The following KHDRBS2 variants were observed in gnomAD, a reference collection of about 807,000 sequenced individuals.
KHDRBS2 encodes KH RNA binding domain containing, signal transduction associated 2.
Under a neutral mutation model 44.3 loss-of-function variants are expected in KHDRBS2, and 26 were observed. The observed-to-expected ratio is 0.59, with a 90% confidence interval of 0.43 to 0.81. The LOEUF is 0.81. KHDRBS2 is among the 40% of genes least tolerant of loss of function. The probability of loss-of-function intolerance (pLI) is 0.00; values close to 1 mark genes in which losing one functional copy is unlikely to be tolerated. For synonymous variants in KHDRBS2, 194 were observed against 151.1 expected, an observed-to-expected ratio of 1.28 and a Z score of -2.08; for missense variants, 476 against 433.1, an observed-to-expected ratio of 1.10 and a Z score of -0.88.
At chr6:61,959,967 T>C (rs1277771810) in intron 4 of KHDRBS2, among the ~76,000 whole-genome samples, 1 of 152,156 alleles carries the variant, frequency 6.6e-6, no homozygotes, top group Non-Finnish European at 1.5e-5. Flanking sequence ...GAAAAATAAA[T>C]AATTAAGAAT....
At chr6:62,117,543 T>C (rs965328825) in intron 2 of KHDRBS2, among the ~76,000 whole-genome samples, 1 of 152,130 alleles carries the variant, frequency 6.6e-6, no homozygotes, top group African/African-American at 2.4e-5. Flanking sequence ...TATTTTTTCC[T>C]ATTCTGTGTG....
At chr6:61,760,912 T>C (rs1779177424) in intron 6 of KHDRBS2, among the ~76,000 whole-genome samples, 1 of 152,226 alleles carries the variant, frequency 6.6e-6, no homozygotes, top group Non-Finnish European at 1.5e-5. Context: ...AATTTTCTTC[T>C]ATAGTTGAGA....
chr6:61,678,475 A>T (rs577056025), downstream of KHDRBS2, among the ~76,000 whole-genome samples: 1 of 151,962 alleles, frequency 6.6e-6, no homozygotes, highest in Non-Finnish European at 1.5e-5. Flanking sequence ...TTGACAAGGG[A>T]TAGGTAAGGA....
chr6:61,646,130 G>C, the KHDRBS2 span, among the ~76,000 whole-genome samples: 1 of 152,164 alleles, frequency 6.6e-6, no homozygotes, highest in African/African-American at 2.4e-5. Context: ...ACTTAGAACT[G>C]CGTTCAATCA....
chr6:61,689,358 A>C (rs1582171388), intron 8 of KHDRBS2, among the ~76,000 whole-genome samples: 1 of 151,984 alleles, frequency 6.6e-6, no homozygotes, highest in African/African-American at 2.4e-5. Flanking sequence ...ACTTGATAAG[A>C]CCGTGGGAAC....
intron 6 of KHDRBS2, among the ~76,000 whole-genome samples, chr6:61,866,031 C>T (rs562675380): frequency 6.6e-6 from 1 of 152,304 alleles, no homozygotes; most frequent in East Asian, 1.9e-4. Context: ...ACATTACAAG[C>T]TATTGGTGGA....
intron 3 of KHDRBS2, among the ~76,000 whole-genome samples, chr6:61,996,790 C>G (rs561871350): frequency 3.3e-5 from 5 of 149,590 alleles, no homozygotes; most frequent in East Asian, 3.9e-4. Context: ...CTCCTCCCCC[C>G]CTCACCCCCC....
intron 3 of KHDRBS2, 90 bp downstream of exon 3, chr6:62,047,788 A>G: frequency 1.3e-6 from 1 of 769,464 alleles, no homozygotes; most frequent in South Asian, 1.5e-5. Context: ...GAAATGGTGA[A>G]AGAGCAGTTC....
the KHDRBS2 span, among the ~76,000 whole-genome samples, chr6:61,596,675 T>A: frequency 1.3e-5 from 2 of 152,116 alleles, no homozygotes; most frequent in Non-Finnish European, 2.9e-5. Flanking sequence ...ATTTTTCAAA[T>A]GGAGTCTCAC....
intron 6 of KHDRBS2, among the ~76,000 whole-genome samples, chr6:61,881,239 G>A (rs1800162999): frequency 6.6e-6 from 1 of 151,884 alleles, no homozygotes; most frequent in South Asian, 2.1e-4. Context: ...TTCTCTCCTT[G>A]CAATATCCAT....
the KHDRBS2 span, among the ~76,000 whole-genome samples, chr6:61,589,087 A>G: frequency 5.1e-3 from 778 of 152,190 alleles, 2 homozygotes; most frequent in Non-Finnish European, 8.8e-3. Context: ...GTAGGGGGGC[A>G]AAGGGAAGGA....
At chr6:62,084,546 C>T (rs1798050594) in intron 2 of KHDRBS2, among the ~76,000 whole-genome samples, 1 of 152,062 alleles carries the variant, frequency 6.6e-6, no homozygotes, top group Non-Finnish European at 1.5e-5. Flanking sequence ...CCAGAGAATT[C>T]AGAGTTTGAG....
At chr6:62,113,283 A>G (rs939734767) in intron 2 of KHDRBS2, among the ~76,000 whole-genome samples, 1 of 152,108 alleles carries the variant, frequency 6.6e-6, no homozygotes, top group Non-Finnish European at 1.5e-5. Flanking sequence ...AAACTCAGGC[A>G]ACCAAGATCT....
the KHDRBS2 span, among the ~76,000 whole-genome samples, chr6:61,631,418 G>C: frequency 1.3e-5 from 2 of 151,540 alleles, no homozygotes; most frequent in Non-Finnish European, 2.9e-5. Flanking sequence ...CACTTCAGGA[G>C]CAAGGGGGAA....
intron 1 of KHDRBS2, among the ~76,000 whole-genome samples, chr6:62,277,551 G>C: frequency 6.6e-6 from 1 of 151,982 alleles, no homozygotes; most frequent in East Asian, 1.9e-4. Flanking sequence ...ACCGTGTTAG[G>C]CAGGATGGCC....
chr6:62,263,960 A>C (rs1838777753), intron 1 of KHDRBS2, among the ~76,000 whole-genome samples: 2 of 151,782 alleles, frequency 1.3e-5, no homozygotes, highest in South Asian at 2.1e-4. Context: ...TATCAAATAA[A>C]AGCTCTAGGG....
chr6:61,726,579 G>A (rs1383871422), intron 7 of KHDRBS2, among the ~76,000 whole-genome samples: 1 of 152,110 alleles, frequency 6.6e-6, no homozygotes, highest in Non-Finnish European at 1.5e-5. Context: ...CAAAGCCTCA[G>A]GATACAAAAT....
chr6:61,617,764 A>C, the KHDRBS2 span, among the ~76,000 whole-genome samples: 1 of 152,140 alleles, frequency 6.6e-6, no homozygotes, highest in Non-Finnish European at 1.5e-5. Flanking sequence ...AGCACAAATA[A>C]AATTGAATTT....
intron 1 of KHDRBS2, among the ~76,000 whole-genome samples, chr6:62,260,091 G>A (rs1188990195): frequency 6.6e-6 from 1 of 151,742 alleles, no homozygotes; most frequent in East Asian, 2.0e-4. Flanking sequence ...AGCTGAGCTG[G>A]GACACTCCCT....
Sources: gnomAD v4.1 joint callset for allele counts (sites outside exome capture counted in the v4.1 genomes callset) on GRCh38, gnomAD v4.1.1 for gene constraint, MANE v1.5 for transcripts, NCBI Gene and HGNC (gene_info 2026-07-23, HGNC 2026-07-21) for gene names.